HMCN2: variants seen among roughly 807,000 people sequenced by gnomAD.
The protein encoded by HMCN2 is hemicentin 2.
HMCN2 carries 325 observed loss-of-function variants against 377.5 expected under a neutral mutation model. That is an observed-to-expected ratio of 0.86 (90% CI 0.79 to 0.94). The LOEUF (loss-of-function observed/expected upper bound fraction) is 0.94, where lower values mean the gene tolerates loss of function less well. Among genes scored for constraint, HMCN2 ranks in the 40% least tolerant of loss-of-function variants. The probability of loss-of-function intolerance (pLI) is 0.00; values close to 1 mark genes in which losing one functional copy is unlikely to be tolerated. For missense variants in HMCN2, 4,543 were observed against 4,725.3 expected, an observed-to-expected ratio of 0.96 and a Z score of 1.13; for synonymous variants, 2,007 against 2,046.8, an observed-to-expected ratio of 0.98 and a Z score of 0.53.
Position 130,304,143 on chromosome 9 carries a change from A to G in HMCN2, c.1543+535A>G, listed in dbSNP as rs1407284427. On this transcript the variant is annotated intron_variant, in intron 10 of 97. Coordinates refer to ENST00000683500, the MANE Select transcript of HMCN2 (RefSeq NM_001291815.2). The surrounding 1 kb of genome is among the most constrained non-coding windows in gnomAD (Gnocchi z 4.3). ...TTGTAGGAAAGCTGGAAAAATATAA[A>G]CAACCCAAGAGAAGATCAAAATAAC... 6.6e-6 allele frequency among the ~76,000 whole-genome samples: 1 copy of G among 152,234 alleles called. No individual in the cohort carries two copies. The highest frequency in any genetic ancestry group is 1.5e-5 in the Non-Finnish European group (1 of 68,034).
Position 130,403,286 on chromosome 9 carries a change from C to T in HMCN2, c.11971C>T (p.Pro3991Ser). The part of the protein sequence containing the change: ...LPCEASGIPR[P>S]TITWQKEGLN... ...CTGCGAGGCCTCAGGCATCCCCCGG[C>T]CGACCATCACCTGGCAGAAGGAAGG... is the stretch of plus-strand genomic sequence containing the variant. Residue 3991 changes from proline to serine, a missense_variant, in exon 79 of 98, where the codon CCG (proline) becomes TCG (serine). Pro to Ser is a moderately conservative substitution (Grantham distance 74). Transcript: ENST00000683500. 7.8e-7 allele frequency: 1 copy of T among 1,289,856 alleles called. No individual in the cohort carries two copies. Among genetic ancestry groups the T allele is most frequent in the Non-Finnish European group, 1.0e-6 (1 of 988,868 alleles). 79.9% of individuals were successfully genotyped at this position (1,289,856 alleles called of 1,614,324 possible).
intron 24 of HMCN2, among the ~76,000 whole-genome samples, chr9:130,341,636 G>A (rs2131477806): frequency 6.6e-6 from 1 of 152,318 alleles, no homozygotes; most frequent in East Asian, 1.9e-4. Context: ...CTTGGGTGGT[G>A]ACCTGTGGGG....
intron 2 of HMCN2, 139 bp downstream of exon 2, chr9:130,284,812 G>A (rs1835331875): frequency 2.4e-6 from 1 of 417,470 alleles, no homozygotes; most frequent in Non-Finnish European, 4.9e-6. Context: ...GGCTTCCTTA[G>A]GCCATCTGTT....
At chr9:130,316,039 G>A (rs1346888513) in intron 15 of HMCN2, among the ~76,000 whole-genome samples, 3 of 152,162 alleles carry the variant, frequency 2.0e-5, no homozygotes, top group Non-Finnish European at 4.4e-5. Context: ...GCAAAGCCAC[G>A]GTCCAGCCTG....
intron 4 of HMCN2, among the ~76,000 whole-genome samples, chr9:130,293,278 A>ATTTTTTTTTTTTTTTT (rs1554930691): frequency 1.5e-3 from 45 of 29,966 alleles, no homozygotes; most frequent in African/African-American, 4.1e-3. Flanking sequence ...TACTCACTAA[A>ATTTTTTTTTTTTTTTT]GTTTTTTTTT....
At chr9:130,426,251 C>T (rs926939141) in intron 90 of HMCN2, among the ~76,000 whole-genome samples, 1 of 152,196 alleles carries the variant, frequency 6.6e-6, no homozygotes, top group Non-Finnish European at 1.5e-5. Flanking sequence ...CCCGAGGGCA[C>T]CTGCACTGAG....
At chr9:130,333,209 G>A (rs901347137) in intron 22 of HMCN2, among the ~76,000 whole-genome samples, 10 of 152,222 alleles carry the variant, frequency 6.6e-5, no homozygotes, top group South Asian at 2.1e-4. Flanking sequence ...CTTCCCTCAC[G>A]GAGCCATCAG....
intron 87 of HMCN2, 83 bp from the exon 88 acceptor site, chr9:130,424,693 G>A: frequency 7.2e-7 from 1 of 1,394,192 alleles, no homozygotes; most frequent in Non-Finnish European, 9.4e-7. Flanking sequence ...GGGGGCAGTG[G>A]GGAGCCATGA....
At chr9:130,289,946 C>T (rs986492284) in intron 4 of HMCN2, among the ~76,000 whole-genome samples, 6 of 152,190 alleles carry the variant, frequency 3.9e-5, no homozygotes, top group African/African-American at 1.2e-4. Flanking sequence ...CTTCCTCAGC[C>T]GCCCTGGCTG....
chr9:130,416,826 G>T (rs1295640052), intron 85 of HMCN2, among the ~76,000 whole-genome samples: 1 of 151,618 alleles, frequency 6.6e-6, no homozygotes, highest in South Asian at 2.1e-4. Context: ...CTTGGAAAAG[G>T]AATCTTTGCA....
chr9:130,283,184 A>C (rs1554926349), intron 1 of HMCN2, among the ~76,000 whole-genome samples: 1 of 152,138 alleles, frequency 6.6e-6, no homozygotes, highest in African/African-American at 2.4e-5. Context: ...GCTTATCCTC[A>C]GGATCCCCGG....
intron 22 of HMCN2, among the ~76,000 whole-genome samples, chr9:130,336,853 C>T (rs967861815): frequency 7.3e-5 from 11 of 151,538 alleles, no homozygotes; most frequent in East Asian, 3.9e-4. Context: ...CAGCTGCCCG[C>T]GAGGTGGGGG....
chr9:130,406,466 G>T, intron 82 of HMCN2: 1 of 298,152 alleles, frequency 3.4e-6, no homozygotes. Flanking sequence ...TCCCATTGTG[G>T]GACCCTCAGC....
intron 15 of HMCN2, among the ~76,000 whole-genome samples, chr9:130,319,219 G>T (rs1837720873): frequency 6.6e-6 from 1 of 152,086 alleles, no homozygotes; most frequent in Non-Finnish European, 1.5e-5. Context: ...ACAGCCAGGA[G>T]TGGGCATGCT....
chr9:130,301,382 C>CAA (rs1367404726), intron 8 of HMCN2, among the ~76,000 whole-genome samples: 2 of 152,238 alleles, frequency 1.3e-5, no homozygotes, highest in Non-Finnish European at 2.9e-5. Flanking sequence ...TGTTCTCTAT[C>CAA]TCAGCTCTAG....
chr9:130,321,291 C>T (rs1057039373), intron 18 of HMCN2, among the ~76,000 whole-genome samples: 5 of 149,538 alleles, frequency 3.3e-5, no homozygotes, highest in African/African-American at 2.4e-5. Context: ...CAGACACCGG[C>T]GCGCGCTGAA....
At chr9:130,309,831 C>T in intron 14 of HMCN2, 81 bp from the exon 15 acceptor site, 2 of 358,242 alleles carry the variant, frequency 5.6e-6, no homozygotes, top group Admixed American at 7.3e-5. Context: ...CCGCAGGAGC[C>T]AAGGGTCAGG....
intron 35 of HMCN2, 83 bp from the exon 36 acceptor site, chr9:130,358,307 G>A: frequency 7.7e-7 from 1 of 1,294,826 alleles, no homozygotes. Flanking sequence ...CTGCCCCCGG[G>A]CTCGGCAGCA....
intron 90 of HMCN2, among the ~76,000 whole-genome samples, chr9:130,426,601 A>T (rs1257913331): frequency 6.6e-6 from 1 of 152,172 alleles, no homozygotes; most frequent in Non-Finnish European, 1.5e-5. Context: ...CTAGCCTGGC[A>T]CCTAGTGGCT....
Sources: gnomAD v4.1 joint callset for allele counts (sites outside exome capture counted in the v4.1 genomes callset) on GRCh38, gnomAD v4.1.1 for gene constraint, Gnocchi (gnomAD v3.1) non-coding constraint, MANE v1.5 for transcripts, NCBI Gene and HGNC (gene_info 2026-07-23, HGNC 2026-07-21) for gene names.